Variants in GRXCR1 observed in about 807,000 individuals in gnomAD.
GRXCR1 encodes glutaredoxin and cysteine rich domain containing 1, also known as glutaredoxin domain-containing cysteine-rich protein 1.
GRXCR1 carries 27 observed loss-of-function variants against 27.3 expected under a neutral mutation model. That is an observed-to-expected ratio of 0.99 (90% CI 0.73 to 1.37). The LOEUF (loss-of-function observed/expected upper bound fraction) is 1.37. Among genes scored for constraint, GRXCR1 ranks in the 40% most tolerant of loss-of-function variants. The pLI is 0.00. For missense variants in GRXCR1, 379 were observed against 354.4 expected (o/e 1.07, Z -0.56); for synonymous variants, 122 against 131.1 (o/e 0.93, Z 0.47).
At chr4:42,959,079 G>A (rs1266198323) in intron 1 of GRXCR1, among the ~76,000 whole-genome samples, 1 of 151,840 alleles carries the variant, frequency 6.6e-6, no homozygotes, top group Non-Finnish European at 1.5e-5. Flanking sequence ...TATACTCAAA[G>A]GAAATGAAAT....
At chr4:42,949,609 C>T (rs1175263860) in intron 1 of GRXCR1, among the ~76,000 whole-genome samples, 1 of 152,128 alleles carries the variant, frequency 6.6e-6, no homozygotes, top group Non-Finnish European at 1.5e-5. Context: ...AAGATAATAA[C>T]AGTACCTACC....
chr4:42,893,140 T>A lies in GRXCR1; in HGVS notation c.-127T>A. 9.1e-6 allele frequency: 9 copies of A among 985,224 alleles called. No individual in the cohort carries two copies. The highest frequency in any genetic ancestry group is 1.5e-5 in the Non-Finnish European group (9 of 613,768). The allele number at this position is 985,224 out of a possible 1,614,324, so 61.0% of individuals were successfully genotyped here. A position where few individuals can be genotyped will look rare whatever the true frequency, so the allele number is the denominator to read the frequency against. On this transcript the variant is annotated 5_prime_UTR_variant, in exon 1 of 4. Coordinates refer to ENST00000399770, the MANE Select transcript of GRXCR1 (RefSeq NM_001080476.3). ...AGTCCTTGGGAATCTTCTTTCCTTT[T>A]GATGTTAGTTTCACAGGAGTGCTGC...
chr4:42,969,748 A>G (rs1748338984), intron 2 of GRXCR1, among the ~76,000 whole-genome samples: 1 of 152,056 alleles, frequency 6.6e-6, no homozygotes, highest in Non-Finnish European at 1.5e-5. Context: ...TACAGGGCCA[A>G]ACCATATCAT....
At chr4:42,983,838 C>CTT (rs201795629) in intron 2 of GRXCR1, among the ~76,000 whole-genome samples, 3,816 of 135,910 alleles carry the variant, frequency 0.028, 202 homozygotes, top group African/African-American at 0.098. Context: ...GATTTTCTTT[C>CTT]TTTTTTTTTT....
intron 2 of GRXCR1, among the ~76,000 whole-genome samples, chr4:43,002,425 G>A (rs1021894434): frequency 6.6e-6 from 1 of 152,156 alleles, no homozygotes; most frequent in Non-Finnish European, 1.5e-5. Flanking sequence ...TGTTAAGAAG[G>A]CACGTCCTGC....
chr4:43,030,201 G>A (rs1392144225), intron 3 of GRXCR1, among the ~76,000 whole-genome samples, 160 bp from the exon 4 acceptor site: 1 of 152,122 alleles, frequency 6.6e-6, no homozygotes. Flanking sequence ...TACTTTCCTG[G>A]GTGTAATGTG....
intron 1 of GRXCR1, among the ~76,000 whole-genome samples, chr4:42,943,833 A>G (rs1199277445): frequency 6.6e-6 from 1 of 151,736 alleles, no homozygotes; most frequent in Non-Finnish European, 1.5e-5. Flanking sequence ...TGGTTTTTAC[A>G]TCTTGGGGGT....
At chr4:43,007,163 T>C (rs1712587016) in intron 2 of GRXCR1, among the ~76,000 whole-genome samples, 1 of 152,178 alleles carries the variant, frequency 6.6e-6, no homozygotes, top group Admixed American at 6.5e-5. Context: ...AAGATTTACT[T>C]GAGGATCTGA....
In GRXCR1 at chr4:43,030,385, C is replaced by G. The variant is rs756762124; in HGVS notation, c.718C>G (p.Pro240Ala). ...GAGAGTACAGCATCCACATGAGTGT[C>G]CCTCTTGTGGAGGCTTTGGCTTTCT... is the stretch of plus-strand genomic sequence containing the variant. ...IERVQHPHECPSCGGFGFLPC... is the reference protein window; with the variant it reads ...IERVQHPHECASCGGFGFLPC... Residue 240 changes from proline to alanine, a missense_variant, in exon 4 of 4, where the codon CCC (proline) becomes GCC (alanine). By Grantham distance (27) the Pro-to-Ala change is conservative. Transcript: ENST00000399770. 1 of 1,613,964 alleles carries G rather than the reference C, an allele frequency of 6.2e-7. No individual in the cohort carries two copies. Among genetic ancestry groups the G allele is most frequent in the South Asian group, 1.1e-5 (1 of 91,074 alleles).
chr4:42,962,913 T>C lies in GRXCR1; in HGVS notation c.406T>C (p.Phe136Leu). Residue 136 changes from phenylalanine to leucine, a missense_variant, in exon 2 of 4, where the codon TTT becomes CTT. Coordinates refer to ENST00000399770, the MANE Select transcript of GRXCR1 (RefSeq NM_001080476.3). ...TCAGCAACCATCAACTGATCTAGAA[T>C]TTGACCGTGTAGTGATTTATACCAC... The part of the protein sequence containing the change: ...VLQQPSTDLE[F>L]DRVVIYTTCL... The C allele has an allele frequency of 6.2e-7, 1 of 1,612,646 alleles. No homozygotes were observed.
At chr4:43,008,555 T>C (rs868642030) in intron 2 of GRXCR1, among the ~76,000 whole-genome samples, 19 of 152,238 alleles carry the variant, frequency 1.2e-4, no homozygotes, top group African/African-American at 4.1e-4. Context: ...ATTACTATCA[T>C]AGTGTGTGAT....
At chr4:43,022,889 G>C (rs961828459) in intron 3 of GRXCR1, among the ~76,000 whole-genome samples, 1 of 152,110 alleles carries the variant, frequency 6.6e-6, no homozygotes, top group African/African-American at 2.4e-5. Flanking sequence ...TTAAATCATT[G>C]AAAGCTCACA....
At chr4:42,990,385 G>T (rs2109790668) in intron 2 of GRXCR1, among the ~76,000 whole-genome samples, 1 of 150,828 alleles carries the variant, frequency 6.6e-6, no homozygotes, top group African/African-American at 2.4e-5. Context: ...TAGAGACGGG[G>T]TTTCACCGTT....
chr4:42,894,093 A>G (rs1372400452), intron 1 of GRXCR1, among the ~76,000 whole-genome samples: 1 of 152,124 alleles, frequency 6.6e-6, no homozygotes, highest in East Asian at 1.9e-4. Context: ...GGTTGGGTTC[A>G]ACTGGAAGGT....
At chr4:43,012,984 A>T (rs1420913231) in intron 2 of GRXCR1, among the ~76,000 whole-genome samples, 1 of 152,232 alleles carries the variant, frequency 6.6e-6, no homozygotes, top group African/African-American at 2.4e-5. Flanking sequence ...ATGAGATAAC[A>T]TCTCACAGTC....
At chr4:42,928,633 A>G (rs557194163) in intron 1 of GRXCR1, among the ~76,000 whole-genome samples, 3 of 152,026 alleles carry the variant, frequency 2.0e-5, no homozygotes, top group Non-Finnish European at 4.4e-5. Context: ...CTGCCTTGCA[A>G]AAGCACATGG....
At chr4:42,991,854 G>A (rs902568518) in intron 2 of GRXCR1, among the ~76,000 whole-genome samples, 16 of 151,888 alleles carry the variant, frequency 1.1e-4, no homozygotes, top group African/African-American at 1.9e-4. Context: ...TGCCCTCATC[G>A]AGAATGCTGC....
chr4:42,904,320 T>C (rs1216105893), intron 1 of GRXCR1, among the ~76,000 whole-genome samples: 3 of 152,208 alleles, frequency 2.0e-5, no homozygotes, highest in African/African-American at 7.2e-5. Context: ...TCTAGACTCT[T>C]GAAAACATTC....
rs1195470618 is a variant in GRXCR1 at position 42,958,492 on chromosome 4, T to A, written c.385-4400T>A. Among the ~76,000 whole-genome samples, 4 of 152,078 alleles carry A rather than the reference T, an allele frequency of 2.6e-5. No homozygotes were observed. In the East Asian group the frequency reaches 7.8e-4, roughly 29 times the overall value. On this transcript the variant is annotated intron_variant, in intron 1 of 3. Transcript: ENST00000399770. ...GGTGAAAACTCCTTGATATCACCCC[T>A]GGCAAGAATTTTTTTAAGTTTTGGA...
Sources: gnomAD v4.1 joint callset for allele counts (sites outside exome capture counted in the v4.1 genomes callset) on GRCh38, gnomAD v4.1.1 for gene constraint, MANE v1.5 for transcripts, NCBI Gene and HGNC (gene_info 2026-07-23, HGNC 2026-07-21) for gene names.